The following CPED1 variants were observed in gnomAD, a reference collection of about 807,000 sequenced individuals.
CPED1 encodes cadherin-like and PC-esterase domain-containing protein 1.
In CPED1, 114 loss-of-function variants were observed where a neutral mutation model predicts 128.2. The ratio of observed to expected loss-of-function variants is 0.89; its 90% confidence interval spans 0.76 to 1.04. CPED1 has a LOEUF of 1.04. Ranked by LOEUF, CPED1 falls within the 50% of genes least tolerant of loss-of-function variation. The pLI is 0.00. For missense variants in CPED1, 1,211 were observed against 1,207.1 expected (o/e 1.00, Z -0.05); for synonymous variants, 462 against 426.7 (o/e 1.08, Z -1.02).
At chr7:121,073,831 A>G (rs1280640816) in intron 5 of CPED1, among the ~76,000 whole-genome samples, 1 of 145,734 alleles carries the variant, frequency 6.9e-6, no homozygotes, top group African/African-American at 2.5e-5. Context: ...TTTTTTGCCA[A>G]ATCCACAAAT....
chr7:121,135,648 T>C (rs1199308732), intron 13 of CPED1, among the ~76,000 whole-genome samples: 2 of 152,096 alleles, frequency 1.3e-5, no homozygotes, highest in Admixed American at 6.6e-5. Context: ...TAAGGAGTTT[T>C]TAAAATAAAT....
chr7:121,013,622 C>T (rs1395104768), intron 2 of CPED1, among the ~76,000 whole-genome samples: 3 of 152,148 alleles, frequency 2.0e-5, no homozygotes, highest in Non-Finnish European at 2.9e-5. Context: ...CTTCATAGCA[C>T]CTTAAGAGGA....
At chr7:121,015,876 A>T in intron 3 of CPED1, 28 bp downstream of exon 3, 1 of 1,395,112 alleles carries the variant, frequency 7.2e-7, no homozygotes, top group Non-Finnish European at 9.4e-7. Context: ...TAACTGCCAA[A>T]GTCACTTGAC....
At position 121,097,911 on chromosome 7, in the gene CPED1, T is replaced by TG. The variant is rs1410539386; in HGVS notation, c.749+86dup. 3.5e-6 allele frequency: 5 copies of TG among 1,419,408 alleles called. No homozygotes were observed. In the East Asian group the frequency reaches 7.0e-5, roughly 20 times the overall value. The allele number at this position is 1,419,408 out of a possible 1,614,324, so 87.9% of individuals were successfully genotyped here. A position where few individuals can be genotyped will look rare whatever the true frequency, so the allele number is the denominator to read the frequency against. ...ACAAGAGAAAAGCACAGAACAGATA[T>TG]GGGGGGTTCACATGTGTGAATTATT... is the stretch of plus-strand genomic sequence containing the variant. On this transcript the variant is annotated intron_variant, in intron 6 of 22. Coordinates refer to ENST00000310396, the MANE Select transcript of CPED1 (RefSeq NM_024913.5).
chr7:121,286,255 G>A (rs1792569811), intron 22 of CPED1, among the ~76,000 whole-genome samples: 1 of 152,164 alleles, frequency 6.6e-6, no homozygotes, highest in Admixed American at 6.5e-5. Context: ...ATGACGTGTA[G>A]GGATTACAGG....
chr7:121,203,539 G>T (rs1391864397), intron 16 of CPED1, among the ~76,000 whole-genome samples: 5 of 152,022 alleles, frequency 3.3e-5, no homozygotes, highest in South Asian at 2.1e-4. Flanking sequence ...GGCCACAGTG[G>T]CTCCCTAACT....
At chr7:121,292,577 C>T (rs775551786) in intron 22 of CPED1, among the ~76,000 whole-genome samples, 1 of 151,970 alleles carries the variant, frequency 6.6e-6, no homozygotes, top group Admixed American at 6.6e-5. Flanking sequence ...GAGTTGCGAT[C>T]GTTTGGAGGA....
At chr7:121,203,853 A>G (rs905926507) in intron 16 of CPED1, among the ~76,000 whole-genome samples, 2 of 152,120 alleles carry the variant, frequency 1.3e-5, no homozygotes, top group African/African-American at 4.8e-5. Context: ...AGAAAGAAAA[A>G]GGATGGTAAG....
intron 16 of CPED1, among the ~76,000 whole-genome samples, chr7:121,148,873 G>T (rs1048514476): frequency 1.6e-4 from 24 of 152,140 alleles, no homozygotes; most frequent in African/African-American, 5.6e-4. Flanking sequence ...CGACTGAAAA[G>T]TTTGTTTTCT....
At chr7:121,130,062 T>A in intron 11 of CPED1, 63 bp from the exon 12 acceptor site, 2 of 1,285,140 alleles carry the variant, frequency 1.6e-6, no homozygotes, top group Non-Finnish European at 2.2e-6. Flanking sequence ...TATAAGGCTG[T>A]TCATAGTAAT....
chr7:121,129,746 AAG>A (rs1795617199), intron 11 of CPED1, among the ~76,000 whole-genome samples: 1 of 151,938 alleles, frequency 6.6e-6, no homozygotes, highest in African/African-American at 2.4e-5. Flanking sequence ...TTGCGGGGGA[AAG>A]AGGGGAAGAT....
Position 121,127,166 on chromosome 7 carries a change from A to G in CPED1, c.1211A>G (p.Asn404Ser). The change falls in exon 10 of 23, where the codon AAT (asparagine) becomes AGT (serine). Residue 404 changes from asparagine (N) to serine (S), a missense_variant. Transcript: ENST00000310396. ...CAAAATACAGAAGAATTCCTTTTAA[A>G]TGACACTTTCAATTTTCTCTTCCCT... is the stretch of plus-strand genomic sequence containing the variant. ...EDQNTEEFLL[N>S]DTFNFLFPNE... is the part of the protein sequence containing the mutation. 1.3e-6 allele frequency: 2 copies of G among 1,595,340 alleles called. No homozygotes were observed. Among genetic ancestry groups the G allele is most frequent in the South Asian group, 2.2e-5 (2 of 90,612 alleles).
chr7:121,199,697 A>AAAAGAAAGAAAGAAAGAAAG (rs71170232), intron 16 of CPED1, among the ~76,000 whole-genome samples: 1,025 of 41,358 alleles, frequency 0.025, 21 homozygotes, highest in East Asian at 0.052. Context: ...AAAAAAAAAA[A>AAAAGAAAGAAAGAAAGAAAG]AAAGAAAGAA....
chr7:121,124,335 A>C lies in CPED1; in HGVS notation c.923A>C (p.Gln308Pro), dbSNP rs758414206. Residue 308 changes from glutamine (Q) to proline (P), a missense_variant, in exon 8 of 23, where the codon CAA becomes CCA. Physicochemically the swap from Gln to Pro is moderately conservative, Grantham distance 76. Transcript: ENST00000310396. The part of the protein sequence containing the change: ...PKKKRFTVKL[Q>P]TFFETFLRAS... Reference sequence around the variant, plus strand: ...AATCCTTTACTTTGTTCACAGCTGCAAACATTTTTTGAGACATTCCTGAGA... The same window carrying C: ...AATCCTTTACTTTGTTCACAGCTGCCAACATTTTTTGAGACATTCCTGAGA... The C allele has an allele frequency of 6.2e-7, 1 of 1,605,748 alleles. No homozygotes were observed. The highest frequency in any genetic ancestry group is 8.5e-7 in the Non-Finnish European group (1 of 1,176,756).
intron 16 of CPED1, among the ~76,000 whole-genome samples, chr7:121,196,693 A>G (rs1797281538): frequency 1.3e-5 from 2 of 152,168 alleles, no homozygotes; most frequent in African/African-American, 4.8e-5. Context: ...CAGCTCTCTT[A>G]TAAATGCACA....
At chr7:121,266,553 G>A (rs1267322841) in intron 19 of CPED1, 106 bp downstream of exon 19, 24 of 1,207,726 alleles carry the variant, frequency 2.0e-5, no homozygotes, top group Non-Finnish European at 2.8e-5. Context: ...TGCTCAAAAG[G>A]TTAGATACCA....
At chr7:121,207,201 T>C in intron 16 of CPED1, among the ~76,000 whole-genome samples, 1 of 152,016 alleles carries the variant, frequency 6.6e-6, no homozygotes, top group Admixed American at 6.6e-5. Context: ...ATTCCTACAA[T>C]GACCATCATC....
At chr7:121,031,961 T>C (rs1792744987) in intron 3 of CPED1, among the ~76,000 whole-genome samples, 2 of 152,246 alleles carry the variant, frequency 1.3e-5, no homozygotes, top group South Asian at 2.1e-4. Flanking sequence ...ATTCATGAGA[T>C]TGGCAAAACC....
intron 3 of CPED1, among the ~76,000 whole-genome samples, chr7:121,027,773 TAATAATGA>T (rs989379269): frequency 4.7e-5 from 7 of 148,930 alleles, no homozygotes; most frequent in African/African-American, 4.9e-5. Flanking sequence ...ATAATAATAA[TAATAATGA>T]GTTTCAGCTC....
Sources: allele counts gnomAD v4.1 joint callset (sites outside exome capture counted in the v4.1 genomes callset), GRCh38; gene constraint gnomAD v4.1.1; transcripts MANE v1.5; gene names NCBI Gene and HGNC (gene_info 2026-07-23, HGNC 2026-07-21).